The following ERI3 variants were observed in gnomAD, a reference collection of about 807,000 sequenced individuals.
ERI3 encodes ERI1 exoribonuclease family member 3, also known as ERI1 exoribonuclease 3.
In ERI3, 18 loss-of-function variants were observed where a neutral mutation model predicts 44.4. That is an observed-to-expected ratio of 0.41 (90% CI 0.28 to 0.60). The LOEUF is 0.60. ERI3 is among the 20% of genes least tolerant of loss of function. The pLI, the probability that ERI3 is intolerant of heterozygous loss-of-function variation, is 0.36. For synonymous variants in ERI3, 183 were observed against 164.8 expected (o/e 1.11, Z -0.84); for missense variants, 294 against 435.5 (o/e 0.68, Z 2.89).
chr1:44,318,564 C>A (rs972420944), intron 4 of ERI3, among the ~76,000 whole-genome samples: 21 of 152,332 alleles, frequency 1.4e-4, no homozygotes, highest in African/African-American at 5.1e-4. Flanking sequence ...ATGCCTGCAA[C>A]AAAAGCCCCA....
rs1220264991 is a variant in ERI3, at chr1:44,228,641, T to C, written c.932-7001A>G. Among the ~76,000 whole-genome samples, 1 of 152,256 alleles carries C rather than the reference T, an allele frequency of 6.6e-6. No homozygotes were observed. Among genetic ancestry groups the C allele is most frequent in the East Asian group, 1.9e-4 (1 of 5,172 alleles). On this transcript the variant is annotated intron_variant, in intron 8 of 8. Transcript: ENST00000372257. This position sits in a 1 kb window ranked among gnomAD's most constrained non-coding sequence, Gnocchi z 4.3. Reference sequence around the variant, plus strand: ...GAGGCCAGGCATGGAAATGAGGCCATTACACACCCATTACCCGCCAGCTCA... The same window carrying C: ...GAGGCCAGGCATGGAAATGAGGCCACTACACACCCATTACCCGCCAGCTCA...
At chr1:44,239,782 A>AAGAGGAGGGAGAGGAGGG (rs200896982) in intron 8 of ERI3, among the ~76,000 whole-genome samples, 14 of 152,108 alleles carry the variant, frequency 9.2e-5, no homozygotes, top group East Asian at 1.9e-4. Context: ...GAAGAAAGGA[A>AAGAGGAGGGAGAGGAGGG]AGAGGAGGGA....
chr1:44,322,236 T>C lies in ERI3; in HGVS notation c.490-2492A>G, dbSNP rs563679171. On this transcript the variant is annotated intron_variant, in intron 3 of 8. Transcript: ENST00000372257. ...AAACTTGGCCTTTGGGTTTCCGCAT[T>C]GCAGCAAATAACAGCAAATACTGTA... 9.8e-5 allele frequency among the ~76,000 whole-genome samples: 15 copies of C among 152,312 alleles called. 2 individuals are homozygous for C. Among genetic ancestry groups the C allele is most frequent in the African/African-American group, 3.6e-4 (15 of 41,558 alleles).
chr1:44,257,669 A>G (rs1427444929), intron 7 of ERI3, among the ~76,000 whole-genome samples: 1 of 152,100 alleles, frequency 6.6e-6, no homozygotes, highest in African/African-American at 2.4e-5. Flanking sequence ...TTTCTCCCTC[A>G]TGGCCTCCTG....
In ERI3 at chr1:44,339,233, C is replaced by T; in HGVS notation, c.301G>A (p.Val101Met). The T allele has an allele frequency of 6.2e-7, 1 of 1,613,488 alleles. No individual in the cohort carries two copies. The highest frequency in any genetic ancestry group is 8.5e-7 in the Non-Finnish European group (1 of 1,179,952). Residue 101 changes from valine (V) to methionine (M), a missense_variant, in exon 3 of 9, where the codon GTG becomes ATG. Around this residue, in one of 2 missense-constraint regions of ERI3, gnomAD observed 187 missense variants for 338.6 expected, o/e 0.55. Transcript: ENST00000372257. ...GGAGAAAATAAGTGGGAGCCCAGCACTTTTCTTGCTCTTGAAAGTAAATAC... is the reference window on the plus strand; with the variant it reads ...GGAGAAAATAAGTGGGAGCCCAGCATTTTTCTTGCTCTTGAAAGTAAATAC... ...SSYLLSRARK[V>M]LGSHLFSPCG...
intron 7 of ERI3, among the ~76,000 whole-genome samples, chr1:44,276,969 G>A (rs1348995577): frequency 6.6e-6 from 1 of 152,136 alleles, no homozygotes; most frequent in Non-Finnish European, 1.5e-5. Context: ...AACCTCAACT[G>A]GATCCTCAAC....
intron 3 of ERI3, among the ~76,000 whole-genome samples, chr1:44,336,548 G>A (rs1434140763): frequency 5.6e-5 from 4 of 71,896 alleles, no homozygotes; most frequent in Non-Finnish European, 1.2e-4. Context: ...GTCACAGCAA[G>A]AAGTTAAGAT....
chr1:44,235,735 TC>T lies in ERI3; in HGVS notation c.931+12203del. On this transcript the variant is annotated intron_variant, in intron 8 of 8. Coordinates refer to ENST00000372257, the MANE Select transcript of ERI3 (RefSeq NM_024066.3). This position sits in a 1 kb window ranked among gnomAD's most constrained non-coding sequence, Gnocchi z 4.6. Reference sequence around the variant, plus strand: ...TCCGTTCCCTTCTAGCATCTTGGTTTCCCCAGGACTTCACTGTGCCAGGAGA... The same window carrying T: ...TCCGTTCCCTTCTAGCATCTTGGTTTCCCAGGACTTCACTGTGCCAGGAGA... Among the ~76,000 whole-genome samples the T allele has an allele frequency of 6.6e-6, 1 of 152,256 alleles. No individual in the cohort carries two copies.
At chr1:44,311,064 G>A (rs1409800218) in intron 5 of ERI3, among the ~76,000 whole-genome samples, 1 of 149,454 alleles carries the variant, frequency 6.7e-6, no homozygotes, top group Non-Finnish European at 1.5e-5. Context: ...AAGAAAAGAG[G>A]TAAGGTGAAA....
At chr1:44,260,457 G>A (rs1000092684) in intron 7 of ERI3, among the ~76,000 whole-genome samples, 1 of 152,232 alleles carries the variant, frequency 6.6e-6, no homozygotes, top group Non-Finnish European at 1.5e-5. Flanking sequence ...AGACCAAGTA[G>A]CAGTGAACCT....
intron 7 of ERI3, among the ~76,000 whole-genome samples, chr1:44,250,573 C>T (rs1369438385): frequency 6.6e-6 from 1 of 152,164 alleles, no homozygotes; most frequent in Non-Finnish European, 1.5e-5. Flanking sequence ...CTGACAGATG[C>T]CTTTCAGGAA....
chr1:44,293,241 A>C (rs1645544750), intron 6 of ERI3, among the ~76,000 whole-genome samples: 1 of 152,204 alleles, frequency 6.6e-6, no homozygotes, highest in South Asian at 2.1e-4. Flanking sequence ...CTGTCCTCTC[A>C]AACAGGGAGG....
chr1:44,281,424 C>CA (rs1479773311), intron 7 of ERI3, among the ~76,000 whole-genome samples: 1 of 151,228 alleles, frequency 6.6e-6, no homozygotes, highest in Non-Finnish European at 1.5e-5. Flanking sequence ...CCCTTCTCTA[C>CA]AAAAAATACA....
At chr1:44,257,038 T>G (rs1304066813) in intron 7 of ERI3, 6 of 152,122 alleles carry the variant, frequency 3.9e-5, no homozygotes, top group Non-Finnish European at 8.8e-5. Context: ...TTCTTTGTTT[T>G]CATTACAATT....
At chr1:44,260,085 T>C (rs1188064417) in intron 7 of ERI3, among the ~76,000 whole-genome samples, 1 of 152,186 alleles carries the variant, frequency 6.6e-6, no homozygotes, top group Non-Finnish European at 1.5e-5. Context: ...CAAGCATTCA[T>C]TCACTGAATA....
At chr1:44,304,797 C>T (rs1319111263) in intron 6 of ERI3, among the ~76,000 whole-genome samples, 2 of 152,180 alleles carry the variant, frequency 1.3e-5, no homozygotes, top group African/African-American at 2.4e-5. Context: ...CCTCCTAAAA[C>T]CTGAAGTGAA....
chr1:44,334,593 A>G (rs1646496575), intron 3 of ERI3, among the ~76,000 whole-genome samples: 1 of 152,240 alleles, frequency 6.6e-6, no homozygotes, highest in African/African-American at 2.4e-5. Flanking sequence ...TTTTCAAATG[A>G]AAAAGTCTCC....
intron 7 of ERI3, among the ~76,000 whole-genome samples, chr1:44,259,317 G>C (rs548214628): frequency 6.6e-6 from 1 of 152,258 alleles, no homozygotes; most frequent in Admixed American, 6.5e-5. Flanking sequence ...GGTGGGGGAA[G>C]GGCAGAGGTG....
rs1364001227 is a variant in ERI3, at chr1:44,336,452, GT to G, written c.489+2592del. 2.0e-5 allele frequency among the ~76,000 whole-genome samples: 3 copies of G among 152,194 alleles called. No homozygotes were observed. In the East Asian group the frequency reaches 5.8e-4, roughly 29 times the overall value. ...TGGCCCCAAACTCACCTTCCCAACT[GT>G]TGATCACAGCATTGTAGAGGTTTAA... On this transcript the variant is annotated intron_variant, in intron 3 of 8. Coordinates refer to ENST00000372257, the MANE Select transcript of ERI3 (RefSeq NM_024066.3).
Sources: gnomAD v4.1 joint callset for allele counts (sites outside exome capture counted in the v4.1 genomes callset) on GRCh38, gnomAD v4.1.1 for gene constraint, gnomAD v4.1.1 regional missense constraint, Gnocchi (gnomAD v3.1) non-coding constraint, MANE v1.5 for transcripts, NCBI Gene and HGNC (gene_info 2026-07-23, HGNC 2026-07-21) for gene names.